The following PARD3B variants were observed in gnomAD, a reference collection of about 807,000 sequenced individuals.
The protein encoded by PARD3B is par-3 family cell polarity regulator beta.
PARD3B carries 103 observed loss-of-function variants against 130.2 expected under a neutral mutation model. The ratio of observed to expected loss-of-function variants is 0.79; its 90% CI spans 0.67 to 0.93. The LOEUF (loss-of-function observed/expected upper bound fraction) is 0.93. PARD3B is among the 40% of genes least tolerant of loss of function. The probability of loss-of-function intolerance (pLI) is 0.00; values close to 1 mark genes in which losing one functional copy is unlikely to be tolerated. For synonymous variants in PARD3B, 583 were observed against 553.2 expected, an observed-to-expected ratio of 1.05 and a Z score of -0.76; for missense variants, 1,609 against 1,499.2, an observed-to-expected ratio of 1.07 and a Z score of -1.21.
At chr2:205,101,588 A>T (rs1424775347) in intron 4 of PARD3B, among the ~76,000 whole-genome samples, 4 of 152,222 alleles carry the variant, frequency 2.6e-5, no homozygotes, top group Non-Finnish European at 5.9e-5. Flanking sequence ...CCAAATGTTC[A>T]TGGCAACATT....
intron 2 of PARD3B, among the ~76,000 whole-genome samples, chr2:204,873,869 G>A (rs1211401780): frequency 6.6e-6 from 1 of 152,146 alleles, no homozygotes; most frequent in Non-Finnish European, 1.5e-5. Context: ...ATGGCCATGT[G>A]TGGTGGCTCA....
chr2:205,104,291 C>A (rs1376203268), intron 4 of PARD3B, 135 bp from the exon 5 acceptor site: 11 of 625,038 alleles, frequency 1.8e-5, no homozygotes, highest in Non-Finnish European at 3.1e-5. Flanking sequence ...CACCTGCTTC[C>A]AGTTTTCAAA....
At chr2:205,073,316 T>C (rs961333134) in intron 4 of PARD3B, among the ~76,000 whole-genome samples, 3 of 152,230 alleles carry the variant, frequency 2.0e-5, no homozygotes, top group African/African-American at 7.2e-5. Context: ...AGTTGTGTTA[T>C]TCTATATAAA....
Position 205,216,788 on chromosome 2 carries a change from C to T in PARD3B, c.2140+23468C>T, listed in dbSNP as rs143974234. 1.6e-4 allele frequency among the ~76,000 whole-genome samples: 24 copies of T among 152,262 alleles called. No homozygotes were observed. The East Asian group carries it at 4.6e-3, about 29-fold the overall frequency. On this transcript the variant is annotated intron_variant, in intron 15 of 22. Transcript: ENST00000406610. ...TAGCATTAGCTACGAGCACATTCCA[C>T]TGCAATGCTCAGGGATCCGTACCAA...
In PARD3B at chr2:205,446,641, A is replaced by C. The variant is rs2047916474; in HGVS notation, c.3044+5969A>C. On this transcript the variant is annotated intron_variant, in intron 20 of 22. Transcript: ENST00000406610. The surrounding 1 kb of genome is among the most constrained non-coding windows in gnomAD (Gnocchi z 4.4). ...GAACCTTCAGTCCATCTTAGAAAAAAAAAATTGCCTTATAAAAGATTCATC... is the reference window on the plus strand; with the variant it reads ...GAACCTTCAGTCCATCTTAGAAAAACAAAATTGCCTTATAAAAGATTCATC... Among the ~76,000 whole-genome samples, 1 of 152,128 alleles carries C rather than the reference A, an allele frequency of 6.6e-6. No individual in the cohort carries two copies. The highest frequency in any genetic ancestry group is 2.4e-5 in the African/African-American group (1 of 41,436).
intron 2 of PARD3B, among the ~76,000 whole-genome samples, chr2:204,914,743 T>G (rs905650151): frequency 6.6e-6 from 1 of 151,746 alleles, no homozygotes; most frequent in Non-Finnish European, 1.5e-5. Context: ...AGAAAAGAAA[T>G]AAAGGGAGGT....
At chr2:204,796,122 T>C (rs966731872) in intron 2 of PARD3B, among the ~76,000 whole-genome samples, 6 of 152,174 alleles carry the variant, frequency 3.9e-5, no homozygotes, top group Admixed American at 2.0e-4. Context: ...ATATTTGTGA[T>C]ATAATATATG....
intron 2 of PARD3B, among the ~76,000 whole-genome samples, chr2:204,911,527 C>T (rs904284597): frequency 6.6e-6 from 1 of 152,140 alleles, no homozygotes; most frequent in African/African-American, 2.4e-5. Context: ...TTGTAAATTT[C>T]CAAGGAGTTC....
chr2:204,776,928 T>C (rs1303927302), intron 2 of PARD3B, among the ~76,000 whole-genome samples: 2 of 151,564 alleles, frequency 1.3e-5, no homozygotes, highest in African/African-American at 4.8e-5. Flanking sequence ...AGTGTGTATG[T>C]GATATGGAAA....
At chr2:204,745,721 A>G (rs1400131118) in intron 2 of PARD3B, among the ~76,000 whole-genome samples, 1 of 152,030 alleles carries the variant, frequency 6.6e-6, no homozygotes. Context: ...CATTTTCATT[A>G]CACCCAGAAG....
chr2:204,845,400 T>C (rs1034389807), intron 2 of PARD3B, among the ~76,000 whole-genome samples: 1 of 152,160 alleles, frequency 6.6e-6, no homozygotes, highest in Non-Finnish European at 1.5e-5. Context: ...TATAAAAGTT[T>C]TTTTAAAAAG....
At chr2:205,480,146 C>G (rs1361413184) in intron 20 of PARD3B, among the ~76,000 whole-genome samples, 1 of 152,080 alleles carries the variant, frequency 6.6e-6, no homozygotes, top group Non-Finnish European at 1.5e-5. Flanking sequence ...CTCAGATGAT[C>G]CACCCGCCTC....
At chr2:204,946,940 C>T (rs979928588) in intron 2 of PARD3B, among the ~76,000 whole-genome samples, 1 of 152,182 alleles carries the variant, frequency 6.6e-6, no homozygotes, top group African/African-American at 2.4e-5. Flanking sequence ...CTCATGCAGT[C>T]AGGCAGCAGA....
At chr2:205,232,415 G>GCAGAGC (rs1305754786) in intron 15 of PARD3B, among the ~76,000 whole-genome samples, 36 of 152,090 alleles carry the variant, frequency 2.4e-4, no homozygotes, top group Admixed American at 1.4e-3. Flanking sequence ...AACTTGGGTA[G>GCAGAGC]CAGAGCCAGA....
chr2:205,285,655 C>T (rs887534412), intron 16 of PARD3B, among the ~76,000 whole-genome samples: 5 of 152,272 alleles, frequency 3.3e-5, no homozygotes, highest in Non-Finnish European at 2.9e-5. Flanking sequence ...TCTCCGCTGT[C>T]GCCCACTCTG....
chr2:204,845,727 T>G (rs1244048713), intron 2 of PARD3B, among the ~76,000 whole-genome samples: 3 of 152,098 alleles, frequency 2.0e-5, no homozygotes, highest in Non-Finnish European at 4.4e-5. Context: ...TTCCGTTGAT[T>G]TTATTTCATG....
intron 15 of PARD3B, among the ~76,000 whole-genome samples, chr2:205,205,457 C>T (rs1233975843): frequency 1.3e-5 from 2 of 152,100 alleles, no homozygotes; most frequent in Non-Finnish European, 2.9e-5. Flanking sequence ...TGCCTGATTG[C>T]CCTGGCCAGA....
chr2:205,171,252 G>A (rs1053516757), intron 11 of PARD3B, among the ~76,000 whole-genome samples: 3 of 152,170 alleles, frequency 2.0e-5, no homozygotes, highest in African/African-American at 7.2e-5. Context: ...AGAATAGGTA[G>A]AGAGCATATC....
At chr2:205,333,507 T>G (rs921193894) in intron 18 of PARD3B, among the ~76,000 whole-genome samples, 3 of 152,162 alleles carry the variant, frequency 2.0e-5, no homozygotes, top group Non-Finnish European at 4.4e-5. Context: ...TATACTTGAT[T>G]CCTAACCACC....
Sources: gnomAD v4.1 joint callset for allele counts (sites outside exome capture counted in the v4.1 genomes callset) on GRCh38, gnomAD v4.1.1 for gene constraint, Gnocchi (gnomAD v3.1) non-coding constraint, MANE v1.5 for transcripts, NCBI Gene and HGNC (gene_info 2026-07-23, HGNC 2026-07-21) for gene names.